Variants in TCERG1L observed in about 807,000 individuals in gnomAD.
TCERG1L encodes the protein transcription elongation regulator 1-like protein.
In TCERG1L, 37 loss-of-function variants were observed where a neutral mutation model predicts 56.3. That is an observed-to-expected ratio of 0.66 (90% CI 0.51 to 0.87). The LOEUF is 0.87. Ranked by LOEUF, TCERG1L falls within the 40% of genes least tolerant of loss-of-function variation. The probability of loss-of-function intolerance (pLI) is 0.00; values close to 1 mark genes in which losing one functional copy is unlikely to be tolerated. For synonymous variants in TCERG1L, 324 were observed against 326.3 expected (o/e 0.99, Z 0.08); for missense variants, 799 against 774.2 (o/e 1.03, Z -0.38).
chr10:131,181,225 A>AG (rs5789074), intron 4 of TCERG1L, among the ~76,000 whole-genome samples: 152,350 of 152,350 alleles, frequency 1, 76,175 homozygotes, highest in Non-Finnish European at 1. Flanking sequence ...GGCCAGAAAG[A>AG]GAGAGTGGGG....
At chr10:131,099,880 T>C (rs573838821) in intron 10 of TCERG1L, among the ~76,000 whole-genome samples, 75 of 152,310 alleles carry the variant, frequency 4.9e-4, no homozygotes, top group Non-Finnish European at 8.1e-4. Flanking sequence ...TTCTTTTTTT[T>C]TGAGGCAGAG....
intron 4 of TCERG1L, among the ~76,000 whole-genome samples, chr10:131,256,948 AGAAGGAAGGAAGGAAG>A (rs71009955): frequency 1.5e-4 from 9 of 60,738 alleles, no homozygotes; most frequent in African/African-American, 2.4e-4. Flanking sequence ...AGGAAGAGAA[AGAAGGAAGGAAGGAAG>A]GAAGGAAGGA....
intron 4 of TCERG1L, among the ~76,000 whole-genome samples, chr10:131,226,165 T>C (rs1845789288): frequency 6.6e-6 from 1 of 152,134 alleles, no homozygotes; most frequent in Non-Finnish European, 1.5e-5. Context: ...GGTCCTGAAC[T>C]CCTGGGCTCA....
At chr10:131,096,039 A>G (rs902011774) in intron 11 of TCERG1L, among the ~76,000 whole-genome samples, 1 of 152,214 alleles carries the variant, frequency 6.6e-6, no homozygotes, top group Non-Finnish European at 1.5e-5. Flanking sequence ...AATGACAGCT[A>G]CCACTTTCGG....
intron 4 of TCERG1L, among the ~76,000 whole-genome samples, chr10:131,222,075 A>G (rs1845739239): frequency 6.6e-6 from 1 of 152,252 alleles, no homozygotes; most frequent in South Asian, 2.1e-4. Context: ...TCAAACCGGA[A>G]AGAGAACAGC....
chr10:131,112,209 G>A lies in TCERG1L; in HGVS notation c.1395+4590C>T, dbSNP rs911449341. Among the ~76,000 whole-genome samples, 24 of 142,682 alleles carry A rather than the reference G, an allele frequency of 1.7e-4. 5 individuals carry two copies. The highest frequency in any genetic ancestry group is 3.3e-4 in the Non-Finnish European group (21 of 63,282). The allele number at this position is 142,682 out of a possible 152,430, so 93.6% of individuals were successfully genotyped here. A position where few individuals can be genotyped will look rare whatever the true frequency, so the allele number is the denominator to read the frequency against. On this transcript the variant is annotated intron_variant, in intron 9 of 11. Transcript: ENST00000368642. ...CAGGGTCTCTGCTTCCAGGGCCGGG[G>A]GCTGAAGACTTGGGCCACGCCCCTG... is the stretch of plus-strand genomic sequence containing the variant.
chr10:131,261,093 G>T (rs1267298515), intron 3 of TCERG1L, among the ~76,000 whole-genome samples: 1 of 152,190 alleles, frequency 6.6e-6, no homozygotes, highest in Admixed American at 6.5e-5. Flanking sequence ...CCCACACCCA[G>T]CTCAGCGTGG....
chr10:131,148,127 G>A (rs1845819498), intron 6 of TCERG1L, among the ~76,000 whole-genome samples: 1 of 152,236 alleles, frequency 6.6e-6, no homozygotes, highest in African/African-American at 2.4e-5. Context: ...TAGAACAGGT[G>A]TGCATCACCT....
At chr10:131,218,039 G>C (rs1296774382) in intron 4 of TCERG1L, among the ~76,000 whole-genome samples, 6 of 152,064 alleles carry the variant, frequency 3.9e-5, no homozygotes, top group Non-Finnish European at 5.9e-5. Context: ...TGGCTTTTAA[G>C]TTAAAGGATG....
chr10:131,226,428 G>A (rs1250952138), intron 4 of TCERG1L, among the ~76,000 whole-genome samples: 2 of 152,168 alleles, frequency 1.3e-5, no homozygotes, highest in Admixed American at 1.3e-4. Context: ...TCACTCAGCG[G>A]AGCTCTAGTC....
intron 4 of TCERG1L, among the ~76,000 whole-genome samples, chr10:131,172,594 C>T (rs1846105445): frequency 6.6e-6 from 1 of 152,190 alleles, no homozygotes; most frequent in Non-Finnish European, 1.5e-5. Flanking sequence ...ACGCGTGCTC[C>T]ACGCGCGCTG....
chr10:131,163,047 C>G, intron 6 of TCERG1L, 75 bp downstream of exon 6: 1 of 1,198,782 alleles, frequency 8.3e-7, no homozygotes, highest in Non-Finnish European at 1.1e-6. Flanking sequence ...TGCAGTGTCT[C>G]TTTGGTGACA....
At position 131,116,787 on chromosome 10, in the gene TCERG1L, G is replaced by T. The variant is rs2298192; in HGVS notation, c.1395+12C>A. On this transcript the variant is annotated intron_variant, in intron 9 of 11. Coordinates refer to ENST00000368642, the MANE Select transcript of TCERG1L (RefSeq NM_174937.4). ...GCCGTAGGAGTGCAGCCCCTCAGCC[G>T]CTGTGCCTTACCCCTCTCTCCAGCA... 3 of 1,552,654 alleles carry T rather than the reference G, an allele frequency of 1.9e-6. No homozygotes were observed. The highest frequency in any genetic ancestry group is 2.7e-5 in the African/African-American group (2 of 73,354).
Position 131,116,852 on chromosome 10 carries a change from G to A in TCERG1L, c.1342C>T (p.Leu448=). The A allele has an allele frequency of 6.3e-7, 1 of 1,585,412 alleles. No individual in the cohort carries two copies. Among genetic ancestry groups the A allele is most frequent in the South Asian group, 1.2e-5 (1 of 86,756 alleles). Residue 448 remains leucine (L), a synonymous_variant, in exon 9 of 12, where the codon CTG becomes TTG. Coordinates refer to ENST00000368642, the MANE Select transcript of TCERG1L (RefSeq NM_174937.4). The part of the protein sequence containing the change: ...GTRTPPPQIL[L]PLEERVTHFR... ...TGGGTCACACGCTCCTCCAGAGGCA[G>A]GAGGATCTGCGGGGGCGGCGTCCTT...
At position 131,220,749 on chromosome 10, in the gene TCERG1L, G is replaced by A. The variant is rs556240653; in HGVS notation, c.856+39510C>T. The stretch of plus-strand genomic sequence containing the variant: ...ATCACTGAATCCCCCCAGCTCCTCC[G>A]CCCCTGCAAAGCTGCCCAAACCCTT... On this transcript the variant is annotated intron_variant, in intron 4 of 11. Transcript: ENST00000368642. 1.4e-3 allele frequency among the ~76,000 whole-genome samples: 220 copies of A among 152,252 alleles called. 4 individuals carry two copies. Among genetic ancestry groups the A allele is most frequent in the African/African-American group, 5.1e-3 (212 of 41,568 alleles).
intron 4 of TCERG1L, among the ~76,000 whole-genome samples, chr10:131,234,681 T>C (rs973155887): frequency 6.6e-6 from 1 of 150,784 alleles, no homozygotes; most frequent in South Asian, 2.1e-4. Context: ...GATAATTTTG[T>C]TGTCGTTGTT....
Position 131,246,612 on chromosome 10 carries a change from G to C in TCERG1L, c.856+13647C>G, listed in dbSNP as rs74160882. Among the ~76,000 whole-genome samples, 844 of 85,486 alleles carry C rather than the reference G, an allele frequency of 9.9e-3. 9 individuals are homozygous for C. Among genetic ancestry groups the C allele is most frequent in the African/African-American group, 0.026 (718 of 28,014 alleles). 56.1% of individuals were successfully genotyped at this position (85,486 alleles called of 152,430 possible). ...CCTCCTCTCCCTCCCCTGCCCCACCGCACCCCACCCCACCCCACAGGGAGC... is the reference window on the plus strand; with the variant it reads ...CCTCCTCTCCCTCCCCTGCCCCACCCCACCCCACCCCACCCCACAGGGAGC... On this transcript the variant is annotated intron_variant, in intron 4 of 11. Transcript: ENST00000368642.
At chr10:131,272,920 C>G (rs1846354345) in intron 3 of TCERG1L, among the ~76,000 whole-genome samples, 1 of 152,202 alleles carries the variant, frequency 6.6e-6, no homozygotes, top group Non-Finnish European at 1.5e-5. Context: ...ACCAAATGGA[C>G]AAGGTGCCCA....
At chr10:131,248,462 G>T (rs943367864) in intron 4 of TCERG1L, among the ~76,000 whole-genome samples, 4 of 152,034 alleles carry the variant, frequency 2.6e-5, no homozygotes, top group African/African-American at 9.7e-5. Flanking sequence ...CTCTCTCTCT[G>T]CCCTCCTTGG....
Sources: allele counts gnomAD v4.1 joint callset (sites outside exome capture counted in the v4.1 genomes callset), GRCh38; gene constraint gnomAD v4.1.1; transcripts MANE v1.5; gene names NCBI Gene and HGNC (gene_info 2026-07-23, HGNC 2026-07-21).